The following LMF2 variants were observed in gnomAD, a reference collection of about 807,000 sequenced individuals.
LMF2 encodes lipase maturation factor 2.
In LMF2, 113 loss-of-function variants were observed where a neutral mutation model predicts 81.5. That is an observed-to-expected ratio of 1.39 (90% CI 1.19 to 1.62). The LOEUF is 1.62. Ranked by LOEUF, LMF2 falls within the 40% of genes most tolerant of loss-of-function variation. The pLI is 0.00. For synonymous variants in LMF2, 645 were observed against 424.5 expected, an observed-to-expected ratio of 1.52 and a Z score of -6.39; for missense variants, 1,235 against 929.1, an observed-to-expected ratio of 1.33 and a Z score of -4.28.
In LMF2 at chr22:50,504,865, C is replaced by G. The variant is rs1435259413; in HGVS notation, c.1374G>C (p.Met458Ile). 19 of 1,611,318 alleles carry G rather than the reference C, an allele frequency of 1.2e-5. No individual in the cohort carries two copies. The highest frequency in any genetic ancestry group is 1.6e-5 in the Non-Finnish European group (19 of 1,179,144). The change falls in exon 10 of 14, where the codon ATG (methionine) becomes ATC (isoleucine). Residue 458 changes from methionine to isoleucine, a missense_variant. Transcript: ENST00000474879. ...CCTCAGGCCGTCCACCAAGCCCAGT[C>G]ATGCGGCGGAAGAGGCCGTAGGAGT... The part of the protein sequence containing the change: ...LANSYGLFRR[M>I]TGLGGRPEVV...
rs573188887 is a variant in LMF2, at chr22:50,504,690, C to T, written c.1475G>A (p.Arg492Gln). 117 of 1,609,690 alleles carry T rather than the reference C, an allele frequency of 7.3e-5. No individual in the cohort carries two copies. The East Asian group carries it at 7.6e-4, about 10-fold the overall frequency. The change falls in exon 11 of 14, where the codon CGG becomes CAG. Residue 492 changes from arginine (R) to glutamine (Q), a missense_variant. By Grantham distance (43) the Arg-to-Gln change is conservative. Coordinates refer to ENST00000474879, the MANE Select transcript of LMF2 (RefSeq NM_033200.3). The part of the protein sequence containing the change: ...EFMYKPGNLS[R>Q]PPPVVVPHQP... ...GTGGGGCACCACAACCGGGGGCGGCCGGCTCAGGTTCCCAGGCTTGTACAT... is the reference window on the plus strand; with the variant it reads ...GTGGGGCACCACAACCGGGGGCGGCTGGCTCAGGTTCCCAGGCTTGTACAT...
intron 5 of LMF2, 43 bp from the exon 6 acceptor site, chr22:50,505,858 G>T (rs375208682): frequency 4.4e-6 from 7 of 1,607,460 alleles, no homozygotes; most frequent in Non-Finnish European, 5.9e-6. Context: ...ACTGACGCCT[G>T]GCCCCGTGGC....
chr22:50,507,324 G>C, intron 1 of LMF2: 2 of 606,804 alleles, frequency 3.3e-6, no homozygotes, highest in Admixed American at 3.0e-5. Flanking sequence ...CACCAGGTCT[G>C]GGAGGAAGCC....
chr22:50,503,190 T>C lies in LMF2; in HGVS notation c.*201A>G. ...CCAATCACAGAGGCAATAGTGGGAG[T>C]CCTGGGGAGGGGCATGGCTGGCGTG... On this transcript the variant is annotated 3_prime_UTR_variant, in exon 14 of 14. Coordinates refer to ENST00000474879, the MANE Select transcript of LMF2 (RefSeq NM_033200.3). The C allele has an allele frequency of 1.8e-6, 1 of 553,598 alleles. No homozygotes were observed. Among genetic ancestry groups the C allele is most frequent in the South Asian group, 2.4e-5 (1 of 41,552 alleles). The allele number at this position is 553,598 out of a possible 1,614,324, so 34.3% of individuals were successfully genotyped here. A position where few individuals can be genotyped will look rare whatever the true frequency, so the allele number is the denominator to read the frequency against.
In LMF2 at chr22:50,503,415, C is replaced by T. The variant is rs148460460; in HGVS notation, c.2100G>A (p.Ser700=). Residue 700 remains serine (S), a synonymous_variant, in exon 14 of 14, where the codon TCG becomes TCA. Transcript: ENST00000474879. ...GCTACTTCTTTCGCCGGGTGGTCCT[C>T]GAACTACTGGAGCAGGGGTTGGGGG... is the stretch of plus-strand genomic sequence containing the variant. ...TAAPNPCSSS[S]RTTRRKK 3.4e-5 allele frequency: 55 copies of T among 1,609,832 alleles called. No individual in the cohort carries two copies. Among genetic ancestry groups the T allele is most frequent in the Admixed American group, 6.8e-5 (4 of 59,056 alleles).
Position 50,505,442 on chromosome 22 carries a change from C to T in LMF2, c.1012G>A (p.Glu338Lys). ...ATGGTGCGCTGCTGCCAGTCAACCT[C>T]CAGGCCAAAGTAGTGCACAGTGCCA... ...AYGTVHYFGLEVDWQQRTIHS... is the reference protein window; with the variant it reads ...AYGTVHYFGLKVDWQQRTIHS... Residue 338 changes from glutamate to lysine, a missense_variant, in exon 7 of 14, where the codon GAG (glutamate) becomes AAG (lysine). Glu to Lys is a moderately conservative substitution (Grantham distance 56). Coordinates refer to ENST00000474879, the MANE Select transcript of LMF2 (RefSeq NM_033200.3). 1.2e-6 allele frequency: 2 copies of T among 1,613,078 alleles called. No individual in the cohort carries two copies. Among genetic ancestry groups the T allele is most frequent in the Non-Finnish European group, 1.7e-6 (2 of 1,180,026 alleles).
rs753445391 is a variant in LMF2, at chr22:50,505,553, G to A, written c.917-16C>T. The A allele has an allele frequency of 1.2e-6, 2 of 1,612,300 alleles. No individual in the cohort carries two copies. Among genetic ancestry groups the A allele is most frequent in the South Asian group, 1.1e-5 (1 of 91,080 alleles). ...TTGGGCCAGGCTGTGGGGCAGGACA[G>A]TCATGGGTCAGCAGAGGGTCCCCAG... On this transcript the variant is annotated splice_polypyrimidine_tract_variant and intron_variant, in intron 6 of 13. Transcript: ENST00000474879.
chr22:50,506,121 C>G lies in LMF2; in HGVS notation c.688G>C (p.Val230Leu), dbSNP rs1011685021. The change falls in exon 5 of 14, where the codon GTG (valine) becomes CTG (leucine). Residue 230 changes from valine (V) to leucine (L), a missense_variant. Transcript: ENST00000474879. Reference sequence around the variant, plus strand: ...GCGATCTCAATTAGGAAGGTGGCCACCACGCTGAGCTTGTGCAGCCAGACC... The same window carrying G: ...GCGATCTCAATTAGGAAGGTGGCCAGCACGCTGAGCTTGTGCAGCCAGACC... The part of the protein sequence containing the change: ...LPVWLHKLSV[V>L]ATFLIEIAVP... 6.3e-7 allele frequency: 1 copy of G among 1,582,318 alleles called. No individual in the cohort carries two copies. Among genetic ancestry groups the G allele is most frequent in the East Asian group, 2.3e-5 (1 of 43,634 alleles).
rs1268808837 is a variant in LMF2 at position 50,504,322 on chromosome 22, C to G, written c.1718+18G>C. 1.9e-6 allele frequency: 3 copies of G among 1,590,244 alleles called. No homozygotes were observed. Among genetic ancestry groups the G allele is most frequent in the African/African-American group, 1.4e-5 (1 of 72,572 alleles). ...CCTGCACCCCGGGCTCCACACCCCA[C>G]CCGGTGCCCAGCCTTACCCCTGCTC... On this transcript the variant is annotated intron_variant, in intron 12 of 13. Transcript: ENST00000474879.
At position 50,504,458 on chromosome 22, in the gene LMF2, C is replaced by A; in HGVS notation, c.1607-7G>T. On this transcript the variant is annotated splice_region_variant and splice_polypyrimidine_tract_variant and intron_variant, in intron 11 of 13. Transcript: ENST00000474879. ...CTCTGGACAAGGCGGATCACTGCAG[C>A]GAGAGGCATCAGCGTGGCCCCCACA... 1 of 1,609,792 alleles carries A rather than the reference C, an allele frequency of 6.2e-7. No individual in the cohort carries two copies. The highest frequency in any genetic ancestry group is 8.5e-7 in the Non-Finnish European group (1 of 1,178,978).
rs777293413 is a variant in LMF2, at chr22:50,503,149, G to A, written c.*242C>T. ...CAGGGGAAGGGTCTTGAGCTTGGTC[G>A]TGTTTTCCTCCTGGGCCAATCACAG... On this transcript the variant is annotated 3_prime_UTR_variant, in exon 14 of 14. Coordinates refer to ENST00000474879, the MANE Select transcript of LMF2 (RefSeq NM_033200.3). 47 of 513,296 alleles carry A rather than the reference G, an allele frequency of 9.2e-5. No homozygotes were observed. Among genetic ancestry groups the A allele is most frequent in the Non-Finnish European group, 1.3e-4 (37 of 293,644 alleles). The allele number at this position is 513,296 out of a possible 1,614,324, so 31.8% of individuals were successfully genotyped here.
At position 50,505,786 on chromosome 22, in the gene LMF2, G is replaced by T; in HGVS notation, c.804C>A (p.Thr268=). The change falls in exon 6 of 14, where the codon ACC becomes ACA. Residue 268 remains threonine, a synonymous_variant. Coordinates refer to ENST00000474879, the MANE Select transcript of LMF2 (RefSeq NM_033200.3). ...QVLLQVLIII[T]GNYNFFNLMT... is the part of the protein sequence containing the mutation. ...TCAGGTTGAAGAAGTTGTAGTTGCC[G>T]GTGATGATAATCAGGACCTGCAGCA... 6.2e-7 allele frequency: 1 copy of T among 1,613,186 alleles called. No homozygotes were observed. Among genetic ancestry groups the T allele is most frequent in the East Asian group, 2.2e-5 (1 of 44,880 alleles).
rs943267337 is a variant in LMF2, at chr22:50,503,514, T to C, written c.2001A>G (p.Ala667=). ...GCCTGCGCTTCTCCCCGCTGACTGG[T>C]GCCAGCGGGGAGGACCGGAGAGAAC... ...APCSLRSSPL[A]PVSGEKRRPA... is the part of the protein sequence containing the mutation. The change falls in exon 14 of 14, where the codon GCA becomes GCG. Residue 667 remains alanine (A), a synonymous_variant. Coordinates refer to ENST00000474879, the MANE Select transcript of LMF2 (RefSeq NM_033200.3). 2 of 1,578,614 alleles carry C rather than the reference T, an allele frequency of 1.3e-6. No individual in the cohort carries two copies. Among genetic ancestry groups the C allele is most frequent in the African/African-American group, 2.7e-5 (2 of 72,816 alleles).
In LMF2 at chr22:50,506,830, G is replaced by A; in HGVS notation, c.300C>T (p.His100=). 1.2e-6 allele frequency: 2 copies of A among 1,605,522 alleles called. No homozygotes were observed. The highest frequency in any genetic ancestry group is 1.3e-5 in the African/African-American group (1 of 74,764). The change falls in exon 2 of 14, where the codon CAC becomes CAT. Residue 100 remains histidine, a synonymous_variant. Coordinates refer to ENST00000474879, the MANE Select transcript of LMF2 (RefSeq NM_033200.3). The stretch of plus-strand genomic sequence containing the variant: ...CCCAAAGCAGCAAGTAGATGACAGG[G>A]TGGCGCAGTGGGCTCAGCAGCAGGG... ...LGALLLSPLR[H]PVIYLLLWAA...
Position 50,507,666 on chromosome 22 carries a change from A to G in LMF2, c.10T>C (p.Ser4Pro). 6.5e-7 allele frequency: 1 copy of G among 1,549,646 alleles called. No homozygotes were observed. Among genetic ancestry groups the G allele is most frequent in the Non-Finnish European group, 8.7e-7 (1 of 1,147,138 alleles). The stretch of plus-strand genomic sequence containing the variant: ...AGGAAGAGCTGCCGCGGGAGCCGGG[A>G]GCCCGCCATGTCCGCTACGCGGCCC... Reference protein sequence around the residue: MAGSRLPRQLFLQG... With the variant: MAGPRLPRQLFLQG... The change falls in exon 1 of 14, where the codon TCC becomes CCC. Residue 4 changes from serine (S) to proline (P), a missense_variant. Coordinates refer to ENST00000474879, the MANE Select transcript of LMF2 (RefSeq NM_033200.3).
Position 50,503,598 on chromosome 22 carries a change from G to A in LMF2, c.1917C>T (p.Leu639=). The part of the protein sequence containing the change: ...QLSPLEAPAL[L]WGLLMAVGAV... ...CCCCCACGGCCATGAGGAGCCCCCA[G>A]AGCAGGGCGGGGGCCTCCAGGGGAG... Residue 639 remains leucine, a synonymous_variant, in exon 14 of 14, where the codon CTC becomes CTT. Coordinates refer to ENST00000474879, the MANE Select transcript of LMF2 (RefSeq NM_033200.3). The A allele has an allele frequency of 1.3e-6, 2 of 1,557,410 alleles. No individual in the cohort carries two copies. Among genetic ancestry groups the A allele is most frequent in the Non-Finnish European group, 1.7e-6 (2 of 1,153,714 alleles).
rs779010482 is a variant in LMF2, at chr22:50,505,045, AGC to A, written c.1254+10_1254+11del. On this transcript the variant is annotated intron_variant, in intron 9 of 13. Transcript: ENST00000474879. ...CCCCCAGCCCATCCCCCAGCCCTGC[AGC>A]GCTACCCACCAGGCTAATCAGGAAC... is the stretch of plus-strand genomic sequence containing the variant. 1 of 1,612,818 alleles carries A rather than the reference AGC, an allele frequency of 6.2e-7. No homozygotes were observed. The highest frequency in any genetic ancestry group is 8.5e-7 in the Non-Finnish European group (1 of 1,179,904).
chr22:50,506,809 A>G lies in LMF2; in HGVS notation c.321T>C (p.Leu107=). The G allele has an allele frequency of 1.2e-6, 2 of 1,612,008 alleles. No homozygotes were observed. The highest frequency in any genetic ancestry group is 4.5e-5 in the East Asian group (2 of 44,806). ...GGCAGGCTGACAGGTAGGCGGCCCA[A>G]AGCAGCAAGTAGATGACAGGGTGGC... ...PLRHPVIYLL[L]WAAYLSACQV... The change falls in exon 2 of 14, where the codon CTT becomes CTC. Residue 107 remains leucine (L), a synonymous_variant. Transcript: ENST00000474879.
rs761259866 is a variant in LMF2, at chr22:50,507,646, G to A, written c.30C>T (p.Leu10=). 7.7e-6 allele frequency: 12 copies of A among 1,553,168 alleles called. No homozygotes were observed. In the East Asian group the frequency reaches 1.7e-4, roughly 22 times the overall value. Residue 10 remains leucine (L), a synonymous_variant, in exon 1 of 14, where the codon CTC becomes CTT. Transcript: ENST00000474879. ...AGACGGCCGCCACGCCCTGGAGGAA[G>A]AGCTGCCGCGGGAGCCGGGAGCCCG... The part of the protein sequence containing the change: MAGSRLPRQ[L]FLQGVAAVFM...
Sources: gnomAD v4.1 joint callset for allele counts on GRCh38, gnomAD v4.1.1 for gene constraint, MANE v1.5 for transcripts, NCBI Gene and HGNC (gene_info 2026-07-23, HGNC 2026-07-21) for gene names.